Variants in TGFBRAP1 observed in about 807,000 individuals in gnomAD.
TGFBRAP1 encodes the protein transforming growth factor beta receptor associated protein 1, also known as transforming growth factor-beta receptor-associated protein 1.
Under a neutral mutation model 83.2 loss-of-function variants are expected in TGFBRAP1, and 20 were observed. The observed-to-expected ratio is 0.24, with a 90% CI of 0.17 to 0.35. TGFBRAP1 has a LOEUF of 0.35. Among genes scored for constraint, TGFBRAP1 ranks in the 10% least tolerant of loss-of-function variants. The pLI is 1.00. For missense variants in TGFBRAP1, 950 were observed against 1,099.4 expected, an observed-to-expected ratio of 0.86 and a Z score of 1.92; for synonymous variants, 415 against 459.8, an observed-to-expected ratio of 0.90 and a Z score of 1.25.
At chr2:105,285,456 A>G (rs1677684154) in intron 4 of TGFBRAP1, among the ~76,000 whole-genome samples, 1 of 152,144 alleles carries the variant, frequency 6.6e-6, no homozygotes, top group Non-Finnish European at 1.5e-5. Context: ...TTTAGACCCA[A>G]CTTACTAAAG....
chr2:105,280,596 C>T lies in TGFBRAP1; in HGVS notation c.1249G>A (p.Asp417Asn), dbSNP rs1677501933. The T allele has an allele frequency of 3.1e-6, 5 of 1,613,998 alleles. No individual in the cohort carries two copies. Among genetic ancestry groups the T allele is most frequent in the Admixed American group, 1.7e-5 (1 of 59,998 alleles). ...TTGCACTTGGCCATCTTCTCCTGGT[C>T]CCCCTGGGTCAGCTGGTTCAGGTCT... is the stretch of plus-strand genomic sequence containing the variant. ...YADLNQLTQG[D>N]QEKMAKCKRF... The change falls in exon 6 of 12, where the codon GAC (aspartate) becomes AAC (asparagine). Residue 417 changes from aspartate to asparagine, a missense_variant. Asp to Asn is a conservative substitution (Grantham distance 23, BLOSUM62 1). Coordinates refer to ENST00000393359, the MANE Select transcript of TGFBRAP1 (RefSeq NM_004257.6).
Position 105,281,324 on chromosome 2 carries a change from C to G in TGFBRAP1, c.1122-601G>C, listed in dbSNP as rs565361472. Reference sequence around the variant, plus strand: ...TCCTTTCCCATCTCCTCTCCGGAACCTCCTTGTCCTGGCTACAATCAGAGC... The same window carrying G: ...TCCTTTCCCATCTCCTCTCCGGAACGTCCTTGTCCTGGCTACAATCAGAGC... On this transcript the variant is annotated intron_variant, in intron 5 of 11. Coordinates refer to ENST00000393359, the MANE Select transcript of TGFBRAP1 (RefSeq NM_004257.6). Among the ~76,000 whole-genome samples, 25 of 152,330 alleles carry G rather than the reference C, an allele frequency of 1.6e-4. No homozygotes were observed. In the South Asian group the frequency reaches 5.2e-3, roughly 32 times the overall value.
chr2:105,292,299 T>C (rs1221858695), intron 4 of TGFBRAP1, among the ~76,000 whole-genome samples: 1 of 152,108 alleles, frequency 6.6e-6, no homozygotes, highest in Non-Finnish European at 1.5e-5. Flanking sequence ...TGAGAGATTA[T>C]ACAAAAAAGA....
rs74937528 is a variant in TGFBRAP1, at chr2:105,276,337, A to G, written c.1522-634T>C. 9.9e-3 allele frequency among the ~76,000 whole-genome samples: 1,503 copies of G among 152,240 alleles called. 34 individuals carry two copies. The highest frequency in any genetic ancestry group is 0.035 in the African/African-American group (1,451 of 41,534). On this transcript the variant is annotated intron_variant, in intron 7 of 11. Transcript: ENST00000393359. ...GAATGAGGCAGCATCACTTGGGGGT[A>G]GAAAGGATGACGGTTGCGTGGGTTC... is the stretch of plus-strand genomic sequence containing the variant.
chr2:105,259,669 G>A (rs1488046057), downstream of TGFBRAP1, among the ~76,000 whole-genome samples: 1 of 152,206 alleles, frequency 6.6e-6, no homozygotes, highest in East Asian at 1.9e-4. Context: ...CACAGGGCAG[G>A]TGGCCACTCT....
chr2:105,292,736 T>A (rs921253883), intron 4 of TGFBRAP1, among the ~76,000 whole-genome samples: 5 of 151,538 alleles, frequency 3.3e-5, no homozygotes, highest in African/African-American at 7.3e-5. Context: ...GTGAACAGAG[T>A]GAAGGAGAGA....
intron 1 of TGFBRAP1, among the ~76,000 whole-genome samples, chr2:105,326,536 G>A (rs982172374): frequency 6.6e-6 from 1 of 152,130 alleles, no homozygotes; most frequent in Non-Finnish European, 1.5e-5. Flanking sequence ...TGGGCAACAT[G>A]GTGAAACTCT....
At chr2:105,275,531 A>C (rs766929179) in intron 8 of TGFBRAP1, 29 bp downstream of exon 8, 1 of 1,611,450 alleles carries the variant, frequency 6.2e-7, no homozygotes, top group South Asian at 1.1e-5. Context: ...CCCCCAACCA[A>C]AGAGAATGCA....
chr2:105,262,113 C>T (rs768460485), downstream of TGFBRAP1, among the ~76,000 whole-genome samples: 17 of 152,106 alleles, frequency 1.1e-4, no homozygotes, highest in Non-Finnish European at 1.2e-4. Flanking sequence ...AAGGTTAACA[C>T]GAGAAGGGAA....
At position 105,308,008 on chromosome 2, in the gene TGFBRAP1, G is replaced by A; in HGVS notation, c.294C>T (p.Ser98=). Residue 98 remains serine (S), a synonymous_variant, in exon 2 of 12, where the codon TCC becomes TCT. Coordinates refer to ENST00000393359, the MANE Select transcript of TGFBRAP1 (RefSeq NM_004257.6). ...GGTTCAGCATGTTGACCAGGCTGAT[G>A]GAGTTGTCACACAGCACCAGCAGCC... ...LNRLLVLCDN[S]ISLVNMLNLE... 6.2e-7 allele frequency: 1 copy of A among 1,614,218 alleles called. No homozygotes were observed. The highest frequency in any genetic ancestry group is 8.5e-7 in the Non-Finnish European group (1 of 1,180,050).
intron 2 of TGFBRAP1, 113 bp from the exon 3 acceptor site, chr2:105,298,818 G>T: frequency 1.0e-6 from 1 of 959,218 alleles, no homozygotes; most frequent in Non-Finnish European, 1.5e-6. Context: ...TTCCTGTACA[G>T]TCTTATATTT....
At chr2:105,284,200 C>A in intron 5 of TGFBRAP1, 116 bp downstream of exon 5, 2 of 969,488 alleles carry the variant, frequency 2.1e-6, no homozygotes, top group Non-Finnish European at 3.3e-6. Context: ...ACCGTATCCA[C>A]CTGAAGCACA....
chr2:105,268,856 T>C (rs1461722119), intron 11 of TGFBRAP1, among the ~76,000 whole-genome samples: 4 of 152,254 alleles, frequency 2.6e-5, no homozygotes, highest in Admixed American at 2.0e-4. Context: ...AGCATGCGAC[T>C]GCTCTCTGCC....
chr2:105,302,708 T>C (rs1279727732), intron 2 of TGFBRAP1, among the ~76,000 whole-genome samples: 1 of 152,244 alleles, frequency 6.6e-6, no homozygotes, highest in African/African-American at 2.4e-5. Flanking sequence ...TTAGACCTCT[T>C]TGACGATATC....
chr2:105,252,792 G>A, the TGFBRAP1 span, among the ~76,000 whole-genome samples: 13 of 116,660 alleles, frequency 1.1e-4, no homozygotes, highest in African/African-American at 2.7e-4. Flanking sequence ...TTTCTCTGTC[G>A]CCCAGGCTGG....
At position 105,298,599 on chromosome 2, in the gene TGFBRAP1, G is replaced by A. The variant is rs147272537; in HGVS notation, c.795C>T (p.Asp265=). ...ACATGCTGTGGACTGTGATGAATTC[G>A]TCATCGAGCGCTATGACGTATGGAA... ...VSFPYVIALD[D]EFITVHSMLD... Residue 265 remains aspartate, a synonymous_variant, in exon 3 of 12, where the codon GAC becomes GAT. Transcript: ENST00000393359. The A allele has an allele frequency of 5.6e-6, 9 of 1,613,948 alleles. No individual in the cohort carries two copies. Among genetic ancestry groups the A allele is most frequent in the African/African-American group, 5.3e-5 (4 of 74,920 alleles).
At chr2:105,251,519 G>T in the TGFBRAP1 span, among the ~76,000 whole-genome samples, 2 of 149,876 alleles carry the variant, frequency 1.3e-5, no homozygotes, top group African/African-American at 4.9e-5. Context: ...GAGGGAGGTG[G>T]GGGGGGATCA....
Position 105,307,768 on chromosome 2 carries a change from G to A in TGFBRAP1, c.534C>T (p.His178=), listed in dbSNP as rs748579004. 3 of 1,614,176 alleles carry A rather than the reference G, an allele frequency of 1.9e-6. No individual in the cohort carries two copies. The highest frequency in any genetic ancestry group is 1.7e-5 in the Admixed American group (1 of 60,018). The change falls in exon 2 of 12, where the codon CAC becomes CAT. Residue 178 remains histidine, a synonymous_variant. Coordinates refer to ENST00000393359, the MANE Select transcript of TGFBRAP1 (RefSeq NM_004257.6). ...GAGTGGTCAGAGCCAGACACAGGAA[G>A]TGGCCGTCCACAGCCACAGCGAGGG... ...EQPLAVAVDG[H]FLCLALTTQY...
rs1678576959 is a variant in TGFBRAP1 at position 105,308,116 on chromosome 2, C to A, written c.186G>T (p.Thr62=). 6.2e-7 allele frequency: 1 copy of A among 1,614,144 alleles called. No homozygotes were observed. Among genetic ancestry groups the A allele is most frequent in the East Asian group, 2.2e-5 (1 of 44,864 alleles). The stretch of plus-strand genomic sequence containing the variant: ...TCTGCAGCTGTTTGGTGGCAGTGAA[C>A]GTGGCTGGCCCAGCAGGCACTGGCC... The part of the protein sequence containing the change: ...EERPVPAGPA[T]FTATKQLQRH... Residue 62 remains threonine, a synonymous_variant, in exon 2 of 12, where the codon ACG becomes ACT. Transcript: ENST00000393359.
Sources: gnomAD v4.1 joint callset for allele counts (sites outside exome capture counted in the v4.1 genomes callset) on GRCh38, gnomAD v4.1.1 for gene constraint, MANE v1.5 for transcripts, NCBI Gene and HGNC (gene_info 2026-07-23, HGNC 2026-07-21) for gene names.